SNTG2: variants seen among roughly 807,000 people sequenced by gnomAD.
SNTG2 encodes the protein syntrophin gamma 2.
Under a neutral mutation model 70.9 loss-of-function variants are expected in SNTG2, and 74 were observed. The observed-to-expected ratio is 1.04, with a 90% CI of 0.86 to 1.27. The LOEUF is 1.27. Among genes scored for constraint, SNTG2 ranks in the 50% most tolerant of loss-of-function variants. The pLI, the probability that SNTG2 is intolerant of heterozygous loss-of-function variation, is 0.00. For missense variants in SNTG2, 717 were observed against 690.7 expected (o/e 1.04, Z -0.43); for synonymous variants, 278 against 273.8 (o/e 1.02, Z -0.15).
At chr2:1,032,202 C>T (rs1296721100) in intron 1 of SNTG2, among the ~76,000 whole-genome samples, 1 of 151,988 alleles carries the variant, frequency 6.6e-6, no homozygotes, top group African/African-American at 2.4e-5. Flanking sequence ...GGCTGGGGCA[C>T]GGGAGCACGG....
chr2:1,190,101 A>T (rs1030270774), intron 8 of SNTG2, among the ~76,000 whole-genome samples: 1 of 152,138 alleles, frequency 6.6e-6, no homozygotes, highest in Non-Finnish European at 1.5e-5. Flanking sequence ...CTTTCTGTTA[A>T]ACACGATAGT....
chr2:967,911 C>T (rs6734008), intron 1 of SNTG2, among the ~76,000 whole-genome samples: 30,941 of 151,890 alleles, frequency 0.2, 3,657 homozygotes, highest in African/African-American at 0.32. Context: ...CACCTGTAAT[C>T]GCAGTTACTC....
intron 1 of SNTG2, among the ~76,000 whole-genome samples, chr2:1,025,845 C>A (rs1025305654): frequency 6.6e-6 from 1 of 152,126 alleles, no homozygotes; most frequent in Non-Finnish European, 1.5e-5. Context: ...TTTGTGGGGG[C>A]CTTTGCCTAA....
chr2:1,302,540 T>TAAAAA (rs34803391), intron 14 of SNTG2, among the ~76,000 whole-genome samples: 58 of 68,186 alleles, frequency 8.5e-4, no homozygotes, highest in African/African-American at 2.4e-3. Context: ...ATTGGAATGC[T>TAAAAA]AAAAAAAAAA....
At chr2:1,098,881 G>A (rs1665572824) in intron 4 of SNTG2, among the ~76,000 whole-genome samples, 1 of 152,182 alleles carries the variant, frequency 6.6e-6, no homozygotes, top group South Asian at 2.1e-4. Flanking sequence ...GCAGCTGGTG[G>A]TACTGCACTG....
chr2:1,002,623 ATACT>A (rs1344475281), intron 1 of SNTG2, among the ~76,000 whole-genome samples: 1 of 151,776 alleles, frequency 6.6e-6, no homozygotes, highest in Non-Finnish European at 1.5e-5. Flanking sequence ...TGTGGAGAAA[ATACT>A]TATCTATGGT....
intron 8 of SNTG2, 111 bp from the exon 9 acceptor site, chr2:1,208,992 A>G (rs1278122118): frequency 2.3e-6 from 3 of 1,282,654 alleles, no homozygotes; most frequent in African/African-American, 3.1e-5. Context: ...CTTTTTTATC[A>G]GTTGAAATGT....
chr2:956,125 A>C (rs1300876063), intron 1 of SNTG2, among the ~76,000 whole-genome samples: 412 of 25,902 alleles, frequency 0.016, 2 homozygotes, highest in Middle Eastern at 0.026. Flanking sequence ...GCCCCTGCCC[A>C]TGCCCTGCAC....
At chr2:982,171 G>A (rs1661125416) in intron 1 of SNTG2, among the ~76,000 whole-genome samples, 1 of 152,046 alleles carries the variant, frequency 6.6e-6, no homozygotes, top group Non-Finnish European at 1.5e-5. Flanking sequence ...ACTCACCTGT[G>A]TTGGCAAAGC....
At chr2:993,129 G>T (rs1188944536) in intron 1 of SNTG2, among the ~76,000 whole-genome samples, 3 of 149,098 alleles carry the variant, frequency 2.0e-5, no homozygotes, top group Non-Finnish European at 4.4e-5. Context: ...CATTGTGCAG[G>T]TTAGTTACAT....
chr2:965,889 G>A (rs765193516), intron 1 of SNTG2, among the ~76,000 whole-genome samples: 3 of 152,132 alleles, frequency 2.0e-5, no homozygotes, highest in Non-Finnish European at 4.4e-5. Flanking sequence ...GTCAAGGGCC[G>A]CCTTGGCCTG....
intron 1 of SNTG2, among the ~76,000 whole-genome samples, chr2:1,081,610 G>A (rs1414798376): frequency 6.6e-6 from 1 of 152,234 alleles, no homozygotes; most frequent in Non-Finnish European, 1.5e-5. Context: ...ACATAGCCAG[G>A]GCCTCCTTCC....
chr2:1,186,995 C>T (rs1216520835), intron 8 of SNTG2, among the ~76,000 whole-genome samples: 1 of 152,120 alleles, frequency 6.6e-6, no homozygotes, highest in African/African-American at 2.4e-5. Context: ...GAGGTGGCAG[C>T]TACAAATTCA....
At chr2:1,144,478 A>G (rs887084154) in intron 6 of SNTG2, among the ~76,000 whole-genome samples, 15 of 152,224 alleles carry the variant, frequency 9.9e-5, no homozygotes, top group Non-Finnish European at 2.9e-5. Context: ...AACACATTTT[A>G]ACGAATTTAA....
intron 1 of SNTG2, among the ~76,000 whole-genome samples, chr2:1,031,528 A>ATATATATATATTTTTTTTTTT: frequency 5.1e-5 from 3 of 59,112 alleles, no homozygotes; most frequent in South Asian, 5.8e-4. Context: ...ATATATATAT[A>ATATATATATATTTTTTTTTTT]TTTTTTTTTT....
chr2:979,466 G>A (rs1661029794), intron 1 of SNTG2, among the ~76,000 whole-genome samples: 1 of 152,172 alleles, frequency 6.6e-6, no homozygotes, highest in African/African-American at 2.4e-5. Context: ...GTCGGGCTGT[G>A]CCCAGCCTTG....
chr2:1,281,396 TTTATGTGGTGTGTTGTGTGTGTGTGTGTG>T (rs1679527587), intron 14 of SNTG2, among the ~76,000 whole-genome samples: 2 of 5,404 alleles, frequency 3.7e-4, no homozygotes, highest in African/African-American at 1.5e-3. Flanking sequence ...GTGGTGTGTG[TTTATGTGGTGTGTTGTGTGTGTGTGTGTG>T]GTGTGGTGTG....
At chr2:1,146,668 G>T (rs1364565099) in intron 6 of SNTG2, among the ~76,000 whole-genome samples, 1 of 152,202 alleles carries the variant, frequency 6.6e-6, no homozygotes, top group Non-Finnish European at 1.5e-5. Flanking sequence ...ATTTAATCAA[G>T]ACAGTGTGGT....
At chr2:1,096,795 G>A (rs913559456) in intron 2 of SNTG2, among the ~76,000 whole-genome samples, 1 of 152,172 alleles carries the variant, frequency 6.6e-6, no homozygotes, top group African/African-American at 2.4e-5. Context: ...TTAAGAGCCT[G>A]TTACTCTGTC....
Sources: allele counts gnomAD v4.1 joint callset (sites outside exome capture counted in the v4.1 genomes callset), GRCh38; gene constraint gnomAD v4.1.1; transcripts MANE v1.5; gene names NCBI Gene and HGNC (gene_info 2026-07-23, HGNC 2026-07-21).